The following CSMD1 variants were observed in gnomAD, a reference collection of about 807,000 sequenced individuals.
The protein encoded by CSMD1 is CUB and Sushi multiple domains 1.
Under a neutral mutation model 417.5 loss-of-function variants are expected in CSMD1, and 213 were observed. That is an observed-to-expected ratio of 0.51 (90% confidence interval 0.46 to 0.57). The LOEUF is 0.57. Among genes scored for constraint, CSMD1 ranks in the 20% least tolerant of loss-of-function variants. CSMD1 has a pLI of 0.00. For missense variants in CSMD1, 6,923 were observed against 4,529.7 expected, an observed-to-expected ratio of 1.53 and a Z score of -15.17; for synonymous variants, 2,862 against 1,736.8, an observed-to-expected ratio of 1.65 and a Z score of -16.11.
chr8:3,157,765 T>C (rs756352967), intron 39 of CSMD1, 132 bp downstream of exon 39: 33 of 700,382 alleles, frequency 4.7e-5, no homozygotes, highest in Admixed American at 1.4e-4. Flanking sequence ...TACTGCATTA[T>C]GTGCTATTAG....
chr8:4,275,248 G>T (rs973993914), intron 3 of CSMD1, among the ~76,000 whole-genome samples: 1 of 151,968 alleles, frequency 6.6e-6, no homozygotes, highest in African/African-American at 2.4e-5. Flanking sequence ...AAATAAATAT[G>T]GGCGAAATGA....
intron 36 of CSMD1, among the ~76,000 whole-genome samples, chr8:3,186,139 T>C (rs1056836041): frequency 1.3e-5 from 2 of 152,206 alleles, no homozygotes; most frequent in Non-Finnish European, 2.9e-5. Flanking sequence ...ACATTAAGTG[T>C]TGGCATCTGT....
At chr8:4,212,317 T>C (rs947895193) in intron 3 of CSMD1, among the ~76,000 whole-genome samples, 3 of 152,026 alleles carry the variant, frequency 2.0e-5, no homozygotes, top group African/African-American at 7.3e-5. Flanking sequence ...ACCACCCAAA[T>C]ATGTATCTAC....
At chr8:4,437,497 T>C (rs1057204576) in intron 2 of CSMD1, among the ~76,000 whole-genome samples, 1 of 152,206 alleles carries the variant, frequency 6.6e-6, no homozygotes, top group Non-Finnish European at 1.5e-5. Flanking sequence ...AAGATTTTTA[T>C]AACATAGCCG....
chr8:3,940,502 T>A (rs1416833453), intron 5 of CSMD1, among the ~76,000 whole-genome samples: 1 of 57,828 alleles, frequency 1.7e-5, no homozygotes, highest in African/African-American at 1.0e-4. Flanking sequence ...TTCCTCTGTG[T>A]GTGTGTGTGT....
intron 12 of CSMD1, among the ~76,000 whole-genome samples, chr8:3,461,109 C>T (rs1816473230): frequency 6.6e-6 from 1 of 152,196 alleles, no homozygotes; most frequent in South Asian, 2.1e-4. Flanking sequence ...CAGGTCCCAC[C>T]ATCAGATGCG....
chr8:4,702,510 T>C (rs183314973), intron 1 of CSMD1, among the ~76,000 whole-genome samples: 52 of 152,164 alleles, frequency 3.4e-4, no homozygotes, highest in African/African-American at 1.2e-3. Context: ...ACAGGGAAAA[T>C]AAAAATATTT....
At chr8:3,519,706 G>C (rs978357735) in intron 10 of CSMD1, among the ~76,000 whole-genome samples, 3 of 152,130 alleles carry the variant, frequency 2.0e-5, no homozygotes, top group Admixed American at 6.5e-5. Context: ...GAATAAAGTG[G>C]TGCACGCTAT....
chr8:4,674,341 G>A (rs1390178089), intron 1 of CSMD1, among the ~76,000 whole-genome samples: 9 of 152,206 alleles, frequency 5.9e-5, no homozygotes, highest in East Asian at 1.9e-4. Flanking sequence ...GAAGGTAAAC[G>A]CAAGTGGAAA....
intron 5 of CSMD1, among the ~76,000 whole-genome samples, chr8:3,896,170 C>A (rs1316864362): frequency 6.6e-6 from 1 of 152,140 alleles, no homozygotes; most frequent in Admixed American, 6.6e-5. Context: ...GATTAAGACA[C>A]AACAAAAACA....
intron 52 of CSMD1, among the ~76,000 whole-genome samples, chr8:3,007,163 A>C (rs1212161316): frequency 6.7e-6 from 1 of 150,036 alleles, no homozygotes; most frequent in African/African-American, 2.5e-5. Flanking sequence ...GCCAAAAGAC[A>C]CATGAAAAAA....
chr8:4,075,624 G>C lies in CSMD1; in HGVS notation c.416-43525C>G, dbSNP rs575314820. Among the ~76,000 whole-genome samples the C allele has an allele frequency of 6.6e-5, 10 of 152,248 alleles. No homozygotes were observed. In the East Asian group the frequency reaches 1.7e-3, roughly 26 times the overall value. On this transcript the variant is annotated intron_variant, in intron 3 of 69. Coordinates refer to ENST00000635120, the MANE Select transcript of CSMD1 (RefSeq NM_033225.6). ...ATAGCGGAGTTAATCTATTATTGTAGTATAACTCACACTGTGTTGGGGAAA... is the reference window on the plus strand; with the variant it reads ...ATAGCGGAGTTAATCTATTATTGTACTATAACTCACACTGTGTTGGGGAAA...
At chr8:3,835,483 C>G (rs1313011410) in intron 5 of CSMD1, among the ~76,000 whole-genome samples, 2 of 151,918 alleles carry the variant, frequency 1.3e-5, no homozygotes, top group Non-Finnish European at 2.9e-5. Context: ...AAACCAAACA[C>G]CACATGTTCT....
intron 3 of CSMD1, among the ~76,000 whole-genome samples, chr8:4,081,768 T>C (rs972279758): frequency 4.3e-4 from 66 of 152,162 alleles, no homozygotes; most frequent in Non-Finnish European, 1.5e-4. Context: ...ACCCCAAATA[T>C]CTGGAAACCA....
Position 3,358,206 on chromosome 8 carries a change from T to G in CSMD1, c.3304+946A>C, listed in dbSNP as rs114264545. On this transcript the variant is annotated intron_variant, in intron 21 of 69. Transcript: ENST00000635120. ...AGTTCGTTAACTGGTGAAATTAGTG[T>G]GGTTCGTATTCTGGACTCCCCATGG... 1.6e-3 allele frequency among the ~76,000 whole-genome samples: 242 copies of G among 152,370 alleles called. 2 individuals are homozygous for G. Among genetic ancestry groups the G allele is most frequent in the African/African-American group, 5.6e-3 (232 of 41,598 alleles).
At chr8:4,216,930 C>G (rs1449267868) in intron 3 of CSMD1, among the ~76,000 whole-genome samples, 1 of 152,122 alleles carries the variant, frequency 6.6e-6, no homozygotes, top group African/African-American at 2.4e-5. Context: ...CAAAAGCCAA[C>G]AGCTCCAACA....
intron 9 of CSMD1, among the ~76,000 whole-genome samples, 191 bp from the exon 10 acceptor site, chr8:3,575,257 G>C (rs1281583177): frequency 6.6e-6 from 1 of 151,428 alleles, no homozygotes; most frequent in Non-Finnish European, 1.5e-5. Flanking sequence ...CAGGACTTTT[G>C]CTTGGTATCT....
intron 3 of CSMD1, among the ~76,000 whole-genome samples, chr8:4,262,615 T>A (rs1803966217): frequency 6.6e-6 from 1 of 152,048 alleles, no homozygotes; most frequent in Non-Finnish European, 1.5e-5. Context: ...CCCTGGAGCT[T>A]CAAACAGCCA....
intron 11 of CSMD1, among the ~76,000 whole-genome samples, chr8:3,479,209 C>A (rs186737988): frequency 6.6e-6 from 1 of 152,320 alleles, no homozygotes; most frequent in East Asian, 1.9e-4. Flanking sequence ...CATGCCAAGC[C>A]TAAACAAGGT....
Sources: gnomAD v4.1 joint callset for allele counts (sites outside exome capture counted in the v4.1 genomes callset) on GRCh38, gnomAD v4.1.1 for gene constraint, MANE v1.5 for transcripts, NCBI Gene and HGNC (gene_info 2026-07-23, HGNC 2026-07-21) for gene names.